ZDHHC11B: variants seen among roughly 807,000 people sequenced by gnomAD.
ZDHHC11B encodes probable palmitoyltransferase ZDHHC11B.
Under a neutral mutation model 42.3 loss-of-function variants are expected in ZDHHC11B, and 17 were observed. That is an observed-to-expected ratio of 0.40 (90% CI 0.27 to 0.60). The LOEUF (loss-of-function observed/expected upper bound fraction) is 0.60, where lower values mean the gene tolerates loss of function less well. ZDHHC11B is among the 20% of genes least tolerant of loss of function. ZDHHC11B has a pLI of 0.41. For synonymous variants in ZDHHC11B, 123 were observed against 193.5 expected, an observed-to-expected ratio of 0.64 and a Z score of 3.02; for missense variants, 262 against 463.2, an observed-to-expected ratio of 0.57 and a Z score of 3.99.
intron 6 of ZDHHC11B, among the ~76,000 whole-genome samples, chr5:753,348 G>A (rs1311728375): frequency 0.015 from 1,969 of 130,434 alleles, 132 homozygotes; most frequent in Middle Eastern, 0.042. Flanking sequence ...AGATGCCGGC[G>A]TTGGCTGCTG....
chr5:744,866 G>T (rs59708908), intron 9 of ZDHHC11B, among the ~76,000 whole-genome samples: 10,905 of 144,896 alleles, frequency 0.075, 328 homozygotes, highest in African/African-American at 0.22. Context: ...GCGAGACTCT[G>T]TCTCAAAAAA....
chr5:723,419 C>CT (rs1742336498), intron 12 of ZDHHC11B, among the ~76,000 whole-genome samples: 1 of 126,548 alleles, frequency 7.9e-6, no homozygotes, highest in African/African-American at 3.0e-5. Flanking sequence ...GGTTTAAAAA[C>CT]TTATGAGATT....
chr5:764,757 G>C (rs1405879536), intron 4 of ZDHHC11B, among the ~76,000 whole-genome samples: 1 of 151,940 alleles, frequency 6.6e-6, no homozygotes, highest in East Asian at 1.9e-4. Context: ...ACATGGCACG[G>C]GACTGGCAGG....
chr5:754,055 G>C (rs377705563), intron 6 of ZDHHC11B, among the ~76,000 whole-genome samples: 350 of 33,582 alleles, frequency 0.01, 10 homozygotes, highest in African/African-American at 0.054. Context: ...CCGTGCTCAG[G>C]GGAAACAACC....
At chr5:783,807 T>G (rs574978013) in intron 1 of ZDHHC11B, among the ~76,000 whole-genome samples, 4 of 41,986 alleles carry the variant, frequency 9.5e-5, no homozygotes, top group Non-Finnish European at 2.5e-4. Context: ...AGCAGCCCCC[T>G]AAACCCCATC....
At chr5:714,252 C>G (rs1434376334) in intron 13 of ZDHHC11B, among the ~76,000 whole-genome samples, 1 of 137,650 alleles carries the variant, frequency 7.3e-6, no homozygotes, top group Non-Finnish European at 1.5e-5. Flanking sequence ...TTTATGCCAT[C>G]GGTCTGTATT....
intron 1 of ZDHHC11B, among the ~76,000 whole-genome samples, chr5:773,719 G>T (rs1202219270): frequency 4.6e-5 from 7 of 151,820 alleles, no homozygotes; most frequent in Admixed American, 2.6e-4. Flanking sequence ...AACCCCACGG[G>T]AGCCCAAGTG....
chr5:751,634 C>T (rs1960153), intron 6 of ZDHHC11B, among the ~76,000 whole-genome samples: 11,740 of 120,806 alleles, frequency 0.097, 1,282 homozygotes, highest in East Asian at 0.25. Flanking sequence ...GACAGGTCAG[C>T]GTGGGCGTCC....
At chr5:757,689 T>A (rs567459533) in intron 4 of ZDHHC11B, among the ~76,000 whole-genome samples, 5 of 152,082 alleles carry the variant, frequency 3.3e-5, no homozygotes, top group African/African-American at 1.2e-4. Flanking sequence ...GGCACTCACG[T>A]GGCCCCGGGC....
At chr5:767,242 G>A in intron 3 of ZDHHC11B, 150 bp downstream of exon 3, 1 of 994,934 alleles carries the variant, frequency 1.0e-6, no homozygotes, top group Non-Finnish European at 1.5e-6. Context: ...CTGGGTGGAT[G>A]ACTGAAAGCA....
chr5:745,982 C>T (rs1223374430), intron 8 of ZDHHC11B, among the ~76,000 whole-genome samples: 2 of 148,544 alleles, frequency 1.3e-5, no homozygotes, highest in Non-Finnish European at 3.0e-5. Flanking sequence ...GCGCAGTGCC[C>T]ACAGGACAGC....
At chr5:761,161 C>T (rs1394544958) in intron 4 of ZDHHC11B, among the ~76,000 whole-genome samples, 1 of 151,928 alleles carries the variant, frequency 6.6e-6, no homozygotes, top group Admixed American at 6.6e-5. Context: ...ACTGCCTTGA[C>T]CACGGTCCGA....
chr5:719,522 A>G (rs1434908964), intron 12 of ZDHHC11B, among the ~76,000 whole-genome samples: 2 of 151,436 alleles, frequency 1.3e-5, no homozygotes, highest in South Asian at 2.1e-4. Flanking sequence ...TGGAAAGTAC[A>G]TAACTGAAAT....
rs182157194 is a variant in ZDHHC11B at position 784,531 on chromosome 5, G to A, written c.-230+137C>T. Among the ~76,000 whole-genome samples the A allele has an allele frequency of 6.7e-3, 1,013 of 151,646 alleles. 12 individuals are homozygous for A. The highest frequency in any genetic ancestry group is 0.023 in the African/African-American group (929 of 40,890). On this transcript the variant is annotated intron_variant, in intron 1 of 13. Transcript: ENST00000508859. Reference sequence around the variant, plus strand: ...CCGGGGGCTCAGGGACGCGCAGGGCGGCCCGGGAATGTGGCTCGGGGGAGC... The same window carrying A: ...CCGGGGGCTCAGGGACGCGCAGGGCAGCCCGGGAATGTGGCTCGGGGGAGC...
intron 10 of ZDHHC11B, among the ~76,000 whole-genome samples, chr5:740,189 G>C (rs1332997495): frequency 8.0e-6 from 1 of 124,956 alleles, no homozygotes; most frequent in African/African-American, 2.6e-5. Flanking sequence ...ACATTGCTCG[G>C]GTGGTGGGTG....
intron 1 of ZDHHC11B, among the ~76,000 whole-genome samples, chr5:772,759 C>T (rs1432222495): frequency 2.0e-5 from 3 of 151,674 alleles, no homozygotes; most frequent in Admixed American, 1.3e-4. Flanking sequence ...GGAGCAGTGC[C>T]GACCTCAGAC....
rs868867540 is a variant in ZDHHC11B at position 715,401 on chromosome 5, T to C, written c.*7+1400A>G. On this transcript the variant is annotated intron_variant, in intron 13 of 13. Coordinates refer to ENST00000508859, the MANE Select transcript of ZDHHC11B (RefSeq NM_001351303.2). ...GGTGGGAGGAGCACGTAGACTCAGG[T>C]GCTGTTCTGTAGACATTCTACATGA... is the stretch of plus-strand genomic sequence containing the variant. 2.2e-3 allele frequency among the ~76,000 whole-genome samples: 330 copies of C among 151,488 alleles called. 12 individuals are homozygous for C. The highest frequency in any genetic ancestry group is 7.5e-3 in the African/African-American group (308 of 41,082).
At chr5:775,860 C>G (rs1244287756) in intron 1 of ZDHHC11B, among the ~76,000 whole-genome samples, 1 of 149,838 alleles carries the variant, frequency 6.7e-6, no homozygotes, top group African/African-American at 2.5e-5. Flanking sequence ...GACTGGGAAA[C>G]AGGTTGGAGG....
At chr5:729,513 AG>A (rs1303703462) in intron 12 of ZDHHC11B, among the ~76,000 whole-genome samples, 1 of 146,754 alleles carries the variant, frequency 6.8e-6, no homozygotes, top group Non-Finnish European at 1.5e-5. Flanking sequence ...GGCAGGAAGG[AG>A]GCTGTGTCAG....
Sources: allele counts gnomAD v4.1 joint callset (sites outside exome capture counted in the v4.1 genomes callset), GRCh38; gene constraint gnomAD v4.1.1; transcripts MANE v1.5; gene names NCBI Gene and HGNC (gene_info 2026-07-23, HGNC 2026-07-21).